The following ARHGAP15 variants were observed in gnomAD, a reference collection of about 807,000 sequenced individuals.
ARHGAP15 encodes Rho GTPase activating protein 15.
In ARHGAP15, 51 loss-of-function variants were observed where a neutral mutation model predicts 63.7. The ratio of observed to expected loss-of-function variants is 0.80; its 90% confidence interval spans 0.64 to 1.01. The LOEUF (loss-of-function observed/expected upper bound fraction) is 1.01. Ranked by LOEUF, ARHGAP15 falls within the 50% of genes least tolerant of loss-of-function variation. ARHGAP15 has a pLI of 0.00. For synonymous variants in ARHGAP15, 191 were observed against 193.8 expected, an observed-to-expected ratio of 0.99 and a Z score of 0.12; for missense variants, 560 against 564.6, an observed-to-expected ratio of 0.99 and a Z score of 0.08.
chr2:143,254,010 A>G (rs552901601), intron 6 of ARHGAP15, among the ~76,000 whole-genome samples: 1 of 152,276 alleles, frequency 6.6e-6, no homozygotes, highest in South Asian at 2.1e-4. Flanking sequence ...ACCTTTAGCA[A>G]CTCAGCTATA....
chr2:143,477,425 T>C (rs1476148544), intron 8 of ARHGAP15, among the ~76,000 whole-genome samples: 1 of 150,546 alleles, frequency 6.6e-6, no homozygotes, highest in Non-Finnish European at 1.5e-5. Context: ...CATATTTTAA[T>C]CATTAATATT....
At chr2:143,519,846 A>G (rs1306884078) in intron 10 of ARHGAP15, among the ~76,000 whole-genome samples, 1 of 152,196 alleles carries the variant, frequency 6.6e-6, no homozygotes, top group Non-Finnish European at 1.5e-5. Context: ...TTCAGGAACA[A>G]TTAAAAGACA....
chr2:143,251,393 A>G (rs760566378), intron 6 of ARHGAP15, among the ~76,000 whole-genome samples: 1 of 152,006 alleles, frequency 6.6e-6, no homozygotes, highest in Non-Finnish European at 1.5e-5. Flanking sequence ...GTCTTCTGAG[A>G]GCATGTTGGC....
At chr2:143,758,399 GT>G (rs1686652018) in intron 13 of ARHGAP15, among the ~76,000 whole-genome samples, 1 of 151,764 alleles carries the variant, frequency 6.6e-6, no homozygotes, top group South Asian at 2.1e-4. Flanking sequence ...AACAGGGGAG[GT>G]TTTTACTTTT....
intron 1 of ARHGAP15, among the ~76,000 whole-genome samples, chr2:143,146,975 A>G (rs78806169): frequency 0.026 from 3,944 of 152,136 alleles, 164 homozygotes; most frequent in African/African-American, 0.084. Context: ...CAACTTCCAC[A>G]TATTTGAACC....
At chr2:143,596,810 A>G (rs1258231752) in intron 11 of ARHGAP15, among the ~76,000 whole-genome samples, 1 of 152,146 alleles carries the variant, frequency 6.6e-6, no homozygotes, top group Non-Finnish European at 1.5e-5. Flanking sequence ...TTACCTGTTC[A>G]TTATGCAAAA....
chr2:143,233,709 T>C (rs1347021402), intron 5 of ARHGAP15, among the ~76,000 whole-genome samples: 1 of 150,938 alleles, frequency 6.6e-6, no homozygotes, highest in African/African-American at 2.4e-5. Flanking sequence ...TGCAGTGGCA[T>C]GATCTTGGCT....
At chr2:143,358,026 C>T (rs1482506007) in intron 6 of ARHGAP15, among the ~76,000 whole-genome samples, 1 of 152,158 alleles carries the variant, frequency 6.6e-6, no homozygotes, top group Non-Finnish European at 1.5e-5. Context: ...TATTCTGTTA[C>T]ATATGGACTA....
intron 6 of ARHGAP15, among the ~76,000 whole-genome samples, chr2:143,424,257 A>G (rs1477796626): frequency 6.6e-6 from 1 of 152,092 alleles, no homozygotes; most frequent in Non-Finnish European, 1.5e-5. Flanking sequence ...TTTACTGATG[A>G]GTGGATGTAA....
At chr2:143,744,995 T>C (rs1017507643) in intron 13 of ARHGAP15, among the ~76,000 whole-genome samples, 3 of 152,228 alleles carry the variant, frequency 2.0e-5, no homozygotes, top group African/African-American at 7.2e-5. Context: ...TAAAATCCGC[T>C]TCAAATATTT....
At chr2:143,709,170 CT>C (rs1684463537) in intron 13 of ARHGAP15, among the ~76,000 whole-genome samples, 1 of 152,126 alleles carries the variant, frequency 6.6e-6, no homozygotes, top group Non-Finnish European at 1.5e-5. Context: ...TAAATAAAGT[CT>C]TTCCACAGAG....
chr2:143,229,889 G>C (rs1574122977), intron 5 of ARHGAP15, among the ~76,000 whole-genome samples: 1 of 152,086 alleles, frequency 6.6e-6, no homozygotes, highest in Non-Finnish European at 1.5e-5. Context: ...TGCTGATTTT[G>C]GAGTCTCAGT....
chr2:143,364,133 A>T (rs909727281), intron 6 of ARHGAP15, among the ~76,000 whole-genome samples: 2 of 152,106 alleles, frequency 1.3e-5, no homozygotes, highest in Non-Finnish European at 2.9e-5. Flanking sequence ...ATCTCTTTCA[A>T]CTATTTTTCC....
chr2:143,732,910 GTT>G (rs35876339), intron 13 of ARHGAP15, among the ~76,000 whole-genome samples: 3,852 of 121,912 alleles, frequency 0.032, 128 homozygotes, highest in African/African-American at 0.11. Context: ...TTGTTTTTGG[GTT>G]TTTTTTTTTT....
intron 9 of ARHGAP15, among the ~76,000 whole-genome samples, chr2:143,511,154 AG>A (rs1222967264): frequency 6.6e-6 from 1 of 152,240 alleles, no homozygotes; most frequent in Admixed American, 6.5e-5. Context: ...TCGGTCAAAA[AG>A]TTTGAGAGCT....
intron 6 of ARHGAP15, among the ~76,000 whole-genome samples, chr2:143,394,434 A>G (rs1003264848): frequency 2.6e-5 from 4 of 152,190 alleles, no homozygotes; most frequent in Non-Finnish European, 5.9e-5. Flanking sequence ...AATTGTTAAC[A>G]GTGCAAGCAT....
At chr2:143,358,718 G>A (rs909892188) in intron 6 of ARHGAP15, among the ~76,000 whole-genome samples, 2 of 151,362 alleles carry the variant, frequency 1.3e-5, no homozygotes, top group African/African-American at 4.8e-5. Context: ...TTCTATATAA[G>A]TTTTTCTTTC....
intron 6 of ARHGAP15, among the ~76,000 whole-genome samples, chr2:143,279,396 A>G (rs1681731067): frequency 6.6e-6 from 1 of 152,140 alleles, no homozygotes; most frequent in Admixed American, 6.6e-5. Context: ...GCAAACTGGT[A>G]TATATGCTGG....
chr2:143,438,993 A>G (rs898751292), intron 8 of ARHGAP15, among the ~76,000 whole-genome samples: 2 of 152,210 alleles, frequency 1.3e-5, no homozygotes, highest in African/African-American at 4.8e-5. Flanking sequence ...CTATTAAGTA[A>G]CAGTCACTTT....
Sources: gnomAD v4.1 joint callset for allele counts (sites outside exome capture counted in the v4.1 genomes callset) on GRCh38, gnomAD v4.1.1 for gene constraint, MANE v1.5 for transcripts, NCBI Gene and HGNC (gene_info 2026-07-23, HGNC 2026-07-21) for gene names.